The following FTCDNL1 variants were observed in gnomAD, a reference collection of about 807,000 sequenced individuals.
FTCDNL1 encodes the protein formiminotransferase N-terminal subdomain-containing protein.
FTCDNL1 carries 11 observed loss-of-function variants against 5.9 expected under a neutral mutation model. The observed-to-expected ratio is 1.87, with a 90% confidence interval of 1.18 to 3.10. FTCDNL1 has a LOEUF of 3.10. FTCDNL1 is among the 30% of genes most tolerant of loss of function. FTCDNL1 has a pLI of 0.00. For synonymous variants in FTCDNL1, 58 were observed against 24.8 expected, an observed-to-expected ratio of 2.34 and a Z score of -3.99; for missense variants, 115 against 65.5, an observed-to-expected ratio of 1.76 and a Z score of -2.61.
the FTCDNL1 span, among the ~76,000 whole-genome samples, chr2:199,702,451 G>C: frequency 2.0e-5 from 3 of 152,110 alleles, no homozygotes; most frequent in Non-Finnish European, 4.4e-5. Context: ...TTCCAAACCA[G>C]CGCCTAAGAA....
At chr2:199,720,224 C>G in the FTCDNL1 span, among the ~76,000 whole-genome samples, 1 of 152,190 alleles carries the variant, frequency 6.6e-6, no homozygotes, top group Non-Finnish European at 1.5e-5. Context: ...TTTTCTCTTG[C>G]CAGGTTGCTC....
chr2:199,761,872 C>G (rs895584365), intron 3 of FTCDNL1, among the ~76,000 whole-genome samples: 1 of 152,200 alleles, frequency 6.6e-6, no homozygotes, highest in African/African-American at 2.4e-5. Context: ...CCCTCAGAAC[C>G]TGATCAAAAG....
chr2:199,816,458 C>A (rs62178296), intron 4 of FTCDNL1, among the ~76,000 whole-genome samples: 2 of 152,082 alleles, frequency 1.3e-5, no homozygotes, highest in East Asian at 3.9e-4. Flanking sequence ...TTACTAATTA[C>A]CCTTCAGGGA....
the FTCDNL1 span, among the ~76,000 whole-genome samples, chr2:199,751,778 T>TAGG: frequency 6.6e-6 from 1 of 150,808 alleles, no homozygotes; most frequent in African/African-American, 2.4e-5. Flanking sequence ...ATTTTGCTCC[T>TAGG]TGACTAGTAG....
chr2:199,841,346 A>G (rs1179397838), intron 3 of FTCDNL1, among the ~76,000 whole-genome samples: 1 of 152,108 alleles, frequency 6.6e-6, no homozygotes, highest in African/African-American at 2.4e-5. Flanking sequence ...GAGATCGTGC[A>G]CTGCACTCCA....
intron 3 of FTCDNL1, among the ~76,000 whole-genome samples, chr2:199,773,677 G>A (rs994807032): frequency 2.0e-5 from 3 of 152,126 alleles, no homozygotes; most frequent in Non-Finnish European, 4.4e-5. Context: ...TCTTTTAATT[G>A]TATAGATTGA....
chr2:199,844,389 C>G, intron 3 of FTCDNL1: 1 of 568,898 alleles, frequency 1.8e-6, no homozygotes, highest in South Asian at 2.1e-5. Flanking sequence ...CTTCTGGCCA[C>G]CACTCCACAC....
chr2:199,696,994 C>T, the FTCDNL1 span, among the ~76,000 whole-genome samples: 34 of 152,290 alleles, frequency 2.2e-4, no homozygotes, highest in Middle Eastern at 3.4e-3. Context: ...AAATTCACTA[C>T]AAGAATTTCA....
downstream of FTCDNL1, among the ~76,000 whole-genome samples, chr2:199,804,317 G>C (rs530919260): frequency 6.6e-6 from 1 of 152,162 alleles, no homozygotes; most frequent in South Asian, 2.1e-4. Context: ...TGGGAAAGGC[G>C]TTTGGCTGGG....
chr2:199,803,602 C>T (rs988187576), intron 3 of FTCDNL1, among the ~76,000 whole-genome samples: 1 of 152,164 alleles, frequency 6.6e-6, no homozygotes, highest in Non-Finnish European at 1.5e-5. Context: ...GTAGCTGGGA[C>T]TACAAGCGTG....
chr2:199,697,972 AG>A, the FTCDNL1 span, among the ~76,000 whole-genome samples: 2 of 152,220 alleles, frequency 1.3e-5, no homozygotes, highest in Non-Finnish European at 2.9e-5. Flanking sequence ...AAACGAAAGC[AG>A]GGGTTGCTAT....
chr2:199,752,740 C>CTGTG, the FTCDNL1 span, among the ~76,000 whole-genome samples: 436 of 30,676 alleles, frequency 0.014, 4 homozygotes, highest in Middle Eastern at 0.062. Flanking sequence ...CTCTCTCTCT[C>CTGTG]TGTGTGTGTG....
At chr2:199,693,959 G>A in the FTCDNL1 span, among the ~76,000 whole-genome samples, 1 of 152,162 alleles carries the variant, frequency 6.6e-6, no homozygotes, top group African/African-American at 2.4e-5. Context: ...TCTCCTCTTA[G>A]CTTCTGAAGT....
rs558104508 is a variant in FTCDNL1, at chr2:199,793,601, A to C, written c.212-32766T>G. Among the ~76,000 whole-genome samples, 4 of 152,326 alleles carry C rather than the reference A, an allele frequency of 2.6e-5. No homozygotes were observed. The East Asian group carries it at 7.7e-4, about 29-fold the overall frequency. On this transcript the variant is annotated intron_variant, in intron 3 of 3. Transcript: ENST00000416668. Reference sequence around the variant, plus strand: ...ATTTGATCAAGACAATGAAAAATCTAAGATTATTTTTTGACATAGACATTT... The same window carrying C: ...ATTTGATCAAGACAATGAAAAATCTCAGATTATTTTTTGACATAGACATTT...
chr2:199,757,543 C>T (rs1698114377), downstream of FTCDNL1, among the ~76,000 whole-genome samples: 2 of 152,188 alleles, frequency 1.3e-5, no homozygotes, highest in Non-Finnish European at 2.9e-5. Flanking sequence ...CCCCAGCAGC[C>T]TCCCACAGTA....
At chr2:199,844,363 C>A in intron 3 of FTCDNL1, 2 of 517,632 alleles carry the variant, frequency 3.9e-6, no homozygotes, top group Non-Finnish European at 7.1e-6. Context: ...AACACATAAC[C>A]CCAAACTTTC....
At chr2:199,827,894 C>A (rs2106558013) in intron 3 of FTCDNL1, among the ~76,000 whole-genome samples, 1 of 152,276 alleles carries the variant, frequency 6.6e-6, no homozygotes, top group Non-Finnish European at 1.5e-5. Flanking sequence ...ATTCCTCTTC[C>A]ATTCTGTCAT....
the FTCDNL1 span, among the ~76,000 whole-genome samples, chr2:199,682,019 T>C: frequency 6.6e-5 from 10 of 152,120 alleles, no homozygotes; most frequent in Admixed American, 1.3e-4. Flanking sequence ...TCTCATTTTT[T>C]TGTTGTTGTT....
chr2:199,778,138 T>C (rs1453782495), intron 3 of FTCDNL1, among the ~76,000 whole-genome samples: 7 of 152,100 alleles, frequency 4.6e-5, no homozygotes, highest in Non-Finnish European at 7.4e-5. Flanking sequence ...GCTATCACCA[T>C]ACACAAAGAA....
Sources: allele counts gnomAD v4.1 joint callset (sites outside exome capture counted in the v4.1 genomes callset), GRCh38; gene constraint gnomAD v4.1.1; transcripts MANE v1.5; gene names NCBI Gene and HGNC (gene_info 2026-07-23, HGNC 2026-07-21).